Variants in FBXL13 observed in about 807,000 individuals in gnomAD.
FBXL13 encodes F-box and leucine-rich repeat protein 13.
In FBXL13, 67 loss-of-function variants were observed where a neutral mutation model predicts 83.6. The ratio of observed to expected loss-of-function variants is 0.80; its 90% CI spans 0.66 to 0.98. The LOEUF is 0.98. Ranked by LOEUF, FBXL13 falls within the 50% of genes least tolerant of loss-of-function variation. FBXL13 has a pLI of 0.00. For synonymous variants in FBXL13, 272 were observed against 299.5 expected (o/e 0.91, Z 0.95); for missense variants, 822 against 866.5 (o/e 0.95, Z 0.64).
At chr7:102,942,230 T>C (rs2129475657) in intron 8 of FBXL13, 1 of 1,352,328 alleles carries the variant, frequency 7.4e-7, no homozygotes, top group South Asian at 1.3e-5. Context: ...AAAAGTATCT[T>C]GGCAGTTAAG....
intron 16 of FBXL13, among the ~76,000 whole-genome samples, chr7:102,859,577 G>A (rs542289742): frequency 2.6e-5 from 4 of 152,256 alleles, no homozygotes; most frequent in African/African-American, 9.6e-5. Flanking sequence ...AGCCCTGGGA[G>A]GGACAGGAAG....
At chr7:102,942,274 G>T in intron 8 of FBXL13, 1 of 1,585,748 alleles carries the variant, frequency 6.3e-7, no homozygotes, top group Non-Finnish European at 8.6e-7. Flanking sequence ...AAAATGAAAG[G>T]TCTCCTATAT....
chr7:103,019,096 A>T (rs1792783768), intron 6 of FBXL13, among the ~76,000 whole-genome samples: 1 of 152,202 alleles, frequency 6.6e-6, no homozygotes, highest in Non-Finnish European at 1.5e-5. Flanking sequence ...CAGGAAATGT[A>T]AAAGAACAGA....
chr7:102,959,175 C>A (rs1345765684), intron 8 of FBXL13, among the ~76,000 whole-genome samples: 2 of 152,038 alleles, frequency 1.3e-5, no homozygotes, highest in Non-Finnish European at 2.9e-5. Flanking sequence ...AATACATGGT[C>A]AGATACAATA....
chr7:102,952,941 A>C (rs1344554540), intron 8 of FBXL13, among the ~76,000 whole-genome samples: 2 of 152,120 alleles, frequency 1.3e-5, no homozygotes, highest in African/African-American at 4.8e-5. Flanking sequence ...CCAAGATTGC[A>C]CCACTGAACT....
At chr7:102,948,016 T>C (rs1275552214) in intron 8 of FBXL13, among the ~76,000 whole-genome samples, 1 of 151,990 alleles carries the variant, frequency 6.6e-6, no homozygotes, top group African/African-American at 2.4e-5. Context: ...GAAATCTGAG[T>C]CTCCTGCTCT....
chr7:102,956,982 G>A (rs551736582), intron 8 of FBXL13, among the ~76,000 whole-genome samples: 1 of 152,224 alleles, frequency 6.6e-6, no homozygotes, highest in East Asian at 1.9e-4. Flanking sequence ...TAGATTCAGT[G>A]CCATCCCCAT....
intron 10 of FBXL13, among the ~76,000 whole-genome samples, chr7:102,925,802 G>T (rs143354492): frequency 6.6e-6 from 1 of 151,986 alleles, no homozygotes; most frequent in South Asian, 2.1e-4. Flanking sequence ...ATAGCCAGGC[G>T]TGGTGGTGGG....
intron 8 of FBXL13, among the ~76,000 whole-genome samples, chr7:102,946,063 G>A (rs186013397): frequency 1.3e-5 from 2 of 152,226 alleles, no homozygotes; most frequent in African/African-American, 4.8e-5. Context: ...TGTATTTTTA[G>A]TAGAGACGAG....
intron 17 of FBXL13, among the ~76,000 whole-genome samples, chr7:102,839,708 A>T (rs887248045): frequency 2.6e-5 from 4 of 152,190 alleles, no homozygotes; most frequent in African/African-American, 9.7e-5. Flanking sequence ...AGCCTCCCAA[A>T]GTGCTGGGAT....
At chr7:102,976,254 T>C (rs1263163867) in intron 6 of FBXL13, 2 of 712,852 alleles carry the variant, frequency 2.8e-6, no homozygotes, top group South Asian at 1.5e-5. Flanking sequence ...TTTTTAAAAT[T>C]AATACCAGGG....
exon 4 of FBXL13, chr7:103,028,716 T>C: frequency 2.5e-6 from 4 of 1,601,260 alleles, no homozygotes; most frequent in Non-Finnish European, 3.4e-6. Context: ...CAGGACGACA[T>C]TTTCATTTGT....
rs185170658 is a variant in FBXL13 at position 102,893,343 on chromosome 7, C to A, written c.1009-9031G>T. ...CACAAAATCCTAAAGCTGAAAAAGA[C>A]CTTAGAGGTTATTTAGCCCAGCCTA... On this transcript the variant is annotated intron_variant, in intron 11 of 19. Coordinates refer to ENST00000313221, the Ensembl canonical transcript of FBXL13. Among the ~76,000 whole-genome samples, 1,055 of 152,234 alleles carry A rather than the reference C, an allele frequency of 6.9e-3. 7 individuals carry two copies. Among genetic ancestry groups the A allele is most frequent in the African/African-American group, 0.024 (994 of 41,520 alleles).
intron 17 of FBXL13, among the ~76,000 whole-genome samples, chr7:102,834,045 G>A (rs1801213050): frequency 9.9e-6 from 1 of 101,012 alleles, no homozygotes; most frequent in Non-Finnish European, 1.9e-5. Flanking sequence ...AGGAAGGAAG[G>A]AAGGAAGGAA....
chr7:102,853,785 G>A (rs1405339305), intron 17 of FBXL13, among the ~76,000 whole-genome samples: 1 of 152,134 alleles, frequency 6.6e-6, no homozygotes, highest in Admixed American at 6.5e-5. Flanking sequence ...CATCATCACT[G>A]GCCATCAGAG....
chr7:103,024,857 A>ATATTTTTT (rs1298384907), intron 6 of FBXL13, among the ~76,000 whole-genome samples: 4 of 62,846 alleles, frequency 6.4e-5, no homozygotes, highest in South Asian at 7.7e-4. Context: ...ATATATATAT[A>ATATTTTTT]TTTTTTTTTT....
chr7:103,004,276 C>A (rs1790736629), intron 6 of FBXL13, among the ~76,000 whole-genome samples: 1 of 152,314 alleles, frequency 6.6e-6, no homozygotes, highest in Admixed American at 6.5e-5. Flanking sequence ...ACTAGTGGTG[C>A]TGTAAGTCCA....
chr7:102,835,283 A>G (rs1314188660), intron 17 of FBXL13, among the ~76,000 whole-genome samples: 19 of 152,184 alleles, frequency 1.2e-4, no homozygotes, highest in Admixed American at 1.1e-3. Flanking sequence ...GCTTGTCAGG[A>G]GATAGCTTGG....
At chr7:102,955,655 A>G (rs1183438451) in intron 8 of FBXL13, among the ~76,000 whole-genome samples, 1 of 151,908 alleles carries the variant, frequency 6.6e-6, no homozygotes, top group Non-Finnish European at 1.5e-5. Flanking sequence ...ACTAATAAAG[A>G]AGAGAGAAGC....
Sources: gnomAD v4.1 joint callset for allele counts (sites outside exome capture counted in the v4.1 genomes callset) on GRCh38, gnomAD v4.1.1 for gene constraint, MANE v1.5 for transcripts, NCBI Gene and HGNC (gene_info 2026-07-23, HGNC 2026-07-21) for gene names.